WDFY2: variants seen among roughly 807,000 people sequenced by gnomAD.
The protein encoded by WDFY2 is WD repeat and FYVE domain containing 2.
A neutral mutation model predicts 56.4 loss-of-function variants in WDFY2; 36 were observed. The ratio of observed to expected loss-of-function variants is 0.64; its 90% CI spans 0.49 to 0.84. The LOEUF (loss-of-function observed/expected upper bound fraction) is 0.84, where lower values mean the gene tolerates loss of function less well. Among genes scored for constraint, WDFY2 ranks in the 40% least tolerant of loss-of-function variants. WDFY2 has a pLI of 0.00. For synonymous variants in WDFY2, 176 were observed against 183.7 expected, an observed-to-expected ratio of 0.96 and a Z score of 0.34; for missense variants, 444 against 512.2, an observed-to-expected ratio of 0.87 and a Z score of 1.29.
At chr13:51,752,423 G>A (rs1185511490) in intron 8 of WDFY2, among the ~76,000 whole-genome samples, 1 of 152,194 alleles carries the variant, frequency 6.6e-6, no homozygotes, top group Admixed American at 6.5e-5. Flanking sequence ...TGCTGGTCAT[G>A]CTAACCATGT....
Position 51,738,063 on chromosome 13 carries a change from T to C in WDFY2, c.599-986T>C, listed in dbSNP as rs1367736779. On this transcript the variant is annotated intron_variant, in intron 6 of 11. Transcript: ENST00000298125. ...TGAGAGAAACTTCCCTGAAAGCTCT[T>C]AAGTGTAGCACTTCATTAGAACAAA... Among the ~76,000 whole-genome samples, 5 of 152,248 alleles carry C rather than the reference T, an allele frequency of 3.3e-5. No homozygotes were observed. In the East Asian group the frequency reaches 9.6e-4, roughly 29 times the overall value.
rs545978540 is a variant in WDFY2 at position 51,662,124 on chromosome 13, C to A, written c.205+1461C>A. Among the ~76,000 whole-genome samples, 8 of 152,160 alleles carry A rather than the reference C, an allele frequency of 5.3e-5. No individual in the cohort carries two copies. In the East Asian group the frequency reaches 1.4e-3, roughly 26 times the overall value. ...TAGCTGAGACTACAGGCGCATGCCACCACACCCAGCTAATTTTTGTATTTT... is the reference window on the plus strand; with the variant it reads ...TAGCTGAGACTACAGGCGCATGCCAACACACCCAGCTAATTTTTGTATTTT... On this transcript the variant is annotated intron_variant, in intron 2 of 11. Coordinates refer to ENST00000298125, the MANE Select transcript of WDFY2 (RefSeq NM_052950.4).
At chr13:51,688,924 T>G (rs1435789603) in intron 3 of WDFY2, among the ~76,000 whole-genome samples, 2 of 152,184 alleles carry the variant, frequency 1.3e-5, no homozygotes, top group African/African-American at 4.8e-5. Context: ...AAATGTTATT[T>G]AAAATGTACA....
chr13:51,755,228 T>C, intron 8 of WDFY2, 130 bp from the exon 9 acceptor site: 1 of 828,624 alleles, frequency 1.2e-6, no homozygotes, highest in East Asian at 2.6e-5. Context: ...TTTTGAATGA[T>C]TGACTGAGAA....
intron 7 of WDFY2, among the ~76,000 whole-genome samples, chr13:51,741,062 A>G (rs191265196): frequency 1.3e-5 from 2 of 152,338 alleles, no homozygotes; most frequent in Non-Finnish European, 2.9e-5. Flanking sequence ...AAAAGCTATA[A>G]AGTTTAGATA....
intron 1 of WDFY2, among the ~76,000 whole-genome samples, chr13:51,593,363 A>T (rs966177066): frequency 6.6e-6 from 1 of 152,222 alleles, no homozygotes; most frequent in Non-Finnish European, 1.5e-5. Context: ...TATAAATGTT[A>T]TGATGAACAT....
intron 1 of WDFY2, among the ~76,000 whole-genome samples, chr13:51,601,576 G>C (rs891212520): frequency 2.0e-5 from 3 of 152,014 alleles, no homozygotes; most frequent in Admixed American, 6.6e-5. Context: ...CACCATGCCC[G>C]GCTAATTTTT....
rs375333333 is a variant in WDFY2, at chr13:51,664,174, CAA to C, written c.205+3512_205+3513del. ...TGAGTGATCTTGGGGGAGTTGCAGA[CAA>C]GAGAAAGAAGAGCAGACGCATCATG... On this transcript the variant is annotated intron_variant, in intron 2 of 11. Transcript: ENST00000298125. Among the ~76,000 whole-genome samples the C allele has an allele frequency of 3.3e-5, 5 of 152,182 alleles. No homozygotes were observed. In the East Asian group the frequency reaches 9.6e-4, roughly 29 times the overall value.
chr13:51,671,837 G>A (rs9568649), intron 2 of WDFY2, among the ~76,000 whole-genome samples: 13,060 of 139,142 alleles, frequency 0.094, 875 homozygotes, highest in East Asian at 0.29. Context: ...AGGCTGGAGT[G>A]CAGTGGCACC....
At position 51,719,288 on chromosome 13, in the gene WDFY2, G is replaced by C; in HGVS notation, c.425G>C (p.Cys142Ser). 1.2e-6 allele frequency: 2 copies of C among 1,614,074 alleles called. No homozygotes were observed. Among genetic ancestry groups the C allele is most frequent in the Non-Finnish European group, 1.7e-6 (2 of 1,179,966 alleles). Reference protein sequence around the residue: ...TGQDKQFAWHCSESGQRLGGY... With the variant: ...TGQDKQFAWHSSESGQRLGGY... The stretch of plus-strand genomic sequence containing the variant: ...CAGGACAAGCAATTTGCCTGGCACT[G>C]CTCTGAGAGTGGGCAGCGCCTGGGA... Residue 142 changes from cysteine to serine, a missense_variant, in exon 5 of 12, where the codon TGC becomes TCC. Transcript: ENST00000298125.
chr13:51,703,472 G>A, intron 3 of WDFY2, 124 bp from the exon 4 acceptor site: 2 of 685,230 alleles, frequency 2.9e-6, no homozygotes, highest in Non-Finnish European at 2.4e-6. Flanking sequence ...CTGAGTTGAT[G>A]GGCAAAATAC....
At chr13:51,652,046 T>C (rs1955399873) in intron 1 of WDFY2, among the ~76,000 whole-genome samples, 2 of 152,228 alleles carry the variant, frequency 1.3e-5, no homozygotes, top group Admixed American at 6.5e-5. Flanking sequence ...TCTACATCTC[T>C]CTGTAGGTCT....
At chr13:51,714,049 A>G (rs1566169402) in intron 4 of WDFY2, among the ~76,000 whole-genome samples, 1 of 152,098 alleles carries the variant, frequency 6.6e-6, no homozygotes, top group African/African-American at 2.4e-5. Context: ...TGATGGTTAT[A>G]CAACAGTGTG....
chr13:51,592,378 C>G (rs1954064227), intron 1 of WDFY2: 3 of 151,848 alleles, frequency 2.0e-5, no homozygotes, highest in Admixed American at 2.0e-4. Flanking sequence ...AGTTTGAGAC[C>G]AGCCTGGCCA....
intron 5 of WDFY2, among the ~76,000 whole-genome samples, chr13:51,721,013 T>A (rs922136688): frequency 1.3e-5 from 2 of 152,078 alleles, no homozygotes; most frequent in African/African-American, 4.8e-5. Context: ...TCACTATGCG[T>A]GGTGATGGAT....
At chr13:51,732,550 T>C (rs1395051888) in intron 6 of WDFY2, among the ~76,000 whole-genome samples, 1 of 152,242 alleles carries the variant, frequency 6.6e-6, no homozygotes, top group Non-Finnish European at 1.5e-5. Context: ...TGCCAAAGCA[T>C]ACTAATTAAT....
At chr13:51,712,681 C>A in intron 4 of WDFY2, among the ~76,000 whole-genome samples, 1 of 151,254 alleles carries the variant, frequency 6.6e-6, no homozygotes. Flanking sequence ...TCAATGAAAT[C>A]CAAAAGCTAG....
intron 2 of WDFY2, among the ~76,000 whole-genome samples, chr13:51,665,459 A>G (rs769278532): frequency 1.3e-5 from 2 of 152,250 alleles, no homozygotes; most frequent in Non-Finnish European, 2.9e-5. Flanking sequence ...GGATCACACT[A>G]TAGAGAAAAA....
intron 1 of WDFY2, among the ~76,000 whole-genome samples, chr13:51,598,230 G>T (rs1327465466): frequency 6.6e-6 from 1 of 151,898 alleles, no homozygotes; most frequent in Non-Finnish European, 1.5e-5. Context: ...TGTAGTGGCG[G>T]GCACCTGTAA....
Sources: allele counts gnomAD v4.1 joint callset (sites outside exome capture counted in the v4.1 genomes callset), GRCh38; gene constraint gnomAD v4.1.1; transcripts MANE v1.5; gene names NCBI Gene and HGNC (gene_info 2026-07-23, HGNC 2026-07-21).